The following P4HA3 variants were observed in gnomAD, a reference collection of about 807,000 sequenced individuals.
P4HA3 encodes the protein prolyl 4-hydroxylase subunit alpha 3.
A neutral mutation model predicts 66.7 loss-of-function variants in P4HA3; 60 were observed. That is an observed-to-expected ratio of 0.90 (90% CI 0.73 to 1.12). The LOEUF (loss-of-function observed/expected upper bound fraction) is 1.12. Ranked by LOEUF, P4HA3 falls within the 50% of genes most tolerant of loss-of-function variation. The probability of loss-of-function intolerance (pLI) is 0.00; values close to 1 mark genes in which losing one functional copy is unlikely to be tolerated. For missense variants in P4HA3, 683 were observed against 685.8 expected (o/e 1.00, Z 0.05); for synonymous variants, 263 against 274.6 (o/e 0.96, Z 0.42).
At chr11:74,300,819 G>A (rs1861384646) in intron 3 of P4HA3, among the ~76,000 whole-genome samples, 1 of 152,122 alleles carries the variant, frequency 6.6e-6, no homozygotes, top group Non-Finnish European at 1.5e-5. Context: ...GACATAAAAG[G>A]ATGTTAATAG....
chr11:74,280,261 C>T (rs1363271342), intron 7 of P4HA3, among the ~76,000 whole-genome samples: 1 of 151,988 alleles, frequency 6.6e-6, no homozygotes, highest in East Asian at 1.9e-4. Flanking sequence ...TCAAGCAATC[C>T]TCCCACCTCA....
At chr11:74,287,086 C>G (rs1416474578) in intron 5 of P4HA3, 5 of 1,169,444 alleles carry the variant, frequency 4.3e-6, no homozygotes, top group East Asian at 6.2e-5. Flanking sequence ...TTGGGAAACC[C>G]AATAAATCTT....
At chr11:74,277,192 G>A in intron 8 of P4HA3, 48 bp from the exon 9 acceptor site, 1 of 1,565,812 alleles carries the variant, frequency 6.4e-7, no homozygotes, top group Non-Finnish European at 8.7e-7. Flanking sequence ...TGCCCGAAAT[G>A]ACTAAATGAC....
chr11:74,279,568 C>A, intron 7 of P4HA3, 116 bp from the exon 8 acceptor site: 1 of 954,660 alleles, frequency 1.0e-6, no homozygotes. Context: ...CCAGTTCCTC[C>A]TTAATTAGAG....
chr11:74,275,250 T>C (rs1860355835), intron 9 of P4HA3, among the ~76,000 whole-genome samples: 1 of 152,220 alleles, frequency 6.6e-6, no homozygotes, highest in Non-Finnish European at 1.5e-5. Context: ...AAGAAATCTT[T>C]GCCTAACCTG....
In P4HA3 at chr11:74,308,850, T is replaced by C. The variant is rs536201312; in HGVS notation, c.200+2562A>G. Among the ~76,000 whole-genome samples the C allele has an allele frequency of 1.6e-4, 25 of 152,364 alleles. 1 individual carries two copies. The South Asian group carries it at 3.3e-3, about 20-fold the overall frequency. ...AGGTACAATGATAAAAACTTTTACA[T>C]GGTACTCTTAATCCTTCCAAAAACC... On this transcript the variant is annotated intron_variant, in intron 1 of 12. Coordinates refer to ENST00000331597, the MANE Select transcript of P4HA3 (RefSeq NM_182904.5).
At chr11:74,253,539 C>G in intron 15 of P4HA3, 2 of 1,592,696 alleles carry the variant, frequency 1.3e-6, no homozygotes, top group Non-Finnish European at 1.7e-6. Context: ...TCCTCAACAT[C>G]GAGCTCTGTT....
In P4HA3 at chr11:74,271,494, G is replaced by A. The variant is rs972038411; in HGVS notation, c.1399-1774C>T. On this transcript the variant is annotated intron_variant, in intron 10 of 12. Coordinates refer to ENST00000331597, the MANE Select transcript of P4HA3 (RefSeq NM_182904.5). ...AGTGGGAAAGGGAGAGAAATCTTCCGTCTGTATACCTTCTACTATTTTGTA... is the reference window on the plus strand; with the variant it reads ...AGTGGGAAAGGGAGAGAAATCTTCCATCTGTATACCTTCTACTATTTTGTA... 1.5e-4 allele frequency among the ~76,000 whole-genome samples: 23 copies of A among 152,046 alleles called. 2 individuals carry two copies. The highest frequency in any genetic ancestry group is 1.1e-3 in the Admixed American group (17 of 15,272).
chr11:74,261,130 G>C (rs1859900446), intron 14 of P4HA3, among the ~76,000 whole-genome samples: 1 of 152,178 alleles, frequency 6.6e-6, no homozygotes, highest in Non-Finnish European at 1.5e-5. Flanking sequence ...AATTTGAAGA[G>C]TGAGGATGGG....
At chr11:74,301,131 T>G (rs1418587328) in intron 3 of P4HA3, among the ~76,000 whole-genome samples, 1 of 151,100 alleles carries the variant, frequency 6.6e-6, no homozygotes, top group East Asian at 1.9e-4. Context: ...ATGTAACATG[T>G]TTTTTTTTCT....
At chr11:74,253,446 A>G (rs1035420336) in intron 15 of P4HA3, 1 of 1,572,108 alleles carries the variant, frequency 6.4e-7, no homozygotes, top group African/African-American at 1.4e-5. Context: ...AGGGAAAGCT[A>G]TTGATAGTTA....
At chr11:74,259,394 A>C (rs1462646410) in intron 15 of P4HA3, among the ~76,000 whole-genome samples, 2 of 152,194 alleles carry the variant, frequency 1.3e-5, no homozygotes, top group African/African-American at 2.4e-5. Flanking sequence ...AAACAAAACA[A>C]AACAAAACAA....
chr11:74,250,808 C>A, intron 15 of P4HA3: 2 of 651,784 alleles, frequency 3.1e-6, no homozygotes, highest in Non-Finnish European at 2.7e-6. Flanking sequence ...TTACCATCCT[C>A]AGCAAGACTT....
chr11:74,302,350 C>T lies in P4HA3; in HGVS notation c.567+19G>A, dbSNP rs751772692. 7 of 1,593,324 alleles carry T rather than the reference C, an allele frequency of 4.4e-6. No individual in the cohort carries two copies. The highest frequency in any genetic ancestry group is 6.0e-6 in the Non-Finnish European group (7 of 1,167,840). ...AGAAACCAGAGCCAAGCAATTGGCC[C>T]TCTCTTGAATATTGTTACCTTGCCA... On this transcript the variant is annotated intron_variant, in intron 3 of 12. Transcript: ENST00000331597.
At position 74,267,280 on chromosome 11, in the gene P4HA3, G is replaced by A. The variant is rs776013583; in HGVS notation, c.1603C>T (p.Arg535Cys). ...KWIHEYGQEFRRPCSSSPED is the reference protein window; with the variant it reads ...KWIHEYGQEFCRPCSSSPED ...TCAGGGCTGGAGCTGCAGGGTCTGC[G>A]GAATTCCTGTCCATACTCATGTATC... The change falls in exon 13 of 13, where the codon CGC becomes TGC. Residue 535 changes from arginine (R) to cysteine (C), a missense_variant. Arg to Cys is a radical substitution (Grantham distance 180, BLOSUM62 -3). Transcript: ENST00000331597. 17 of 1,614,080 alleles carry A rather than the reference G, an allele frequency of 1.1e-5. 1 individual carries two copies. The highest frequency in any genetic ancestry group is 6.6e-5 in the South Asian group (6 of 91,092).
intron 7 of P4HA3, among the ~76,000 whole-genome samples, chr11:74,284,729 C>T (rs894390541): frequency 6.6e-6 from 1 of 152,142 alleles, no homozygotes; most frequent in East Asian, 1.9e-4. Context: ...CTCTCTGGGG[C>T]TGCTGATGCC....
chr11:74,273,974 T>C (rs2134733786), intron 9 of P4HA3, among the ~76,000 whole-genome samples: 1 of 151,852 alleles, frequency 6.6e-6, no homozygotes, highest in Admixed American at 6.5e-5. Flanking sequence ...AAGGCCAGAG[T>C]TCCAATTACT....
rs911623429 is a variant in P4HA3 at position 74,304,369 on chromosome 11, G to T, written c.244C>A (p.Pro82Thr). The change falls in exon 2 of 13, where the codon CCT (proline) becomes ACT (threonine). Residue 82 changes from proline to threonine, a missense_variant. Transcript: ENST00000331597. ...AATGCAAGCAGAGGGTTAGCCACAG[G>T]GGTTGTTGAATCCTCATGCAAAGAA... ...VLSLHEDSTT[P>T]VANPLLAFTL... The T allele has an allele frequency of 6.2e-7, 1 of 1,613,938 alleles. No individual in the cohort carries two copies. Among genetic ancestry groups the T allele is most frequent in the African/African-American group, 1.3e-5 (1 of 74,886 alleles).
At chr11:74,267,958 AC>A (rs1860046019) in intron 12 of P4HA3, among the ~76,000 whole-genome samples, 186 bp downstream of exon 12, 1 of 151,968 alleles carries the variant, frequency 6.6e-6, no homozygotes, top group Non-Finnish European at 1.5e-5. Context: ...TGTAACAGGA[AC>A]CCCTGCCTGT....
Sources: allele counts gnomAD v4.1 joint callset (sites outside exome capture counted in the v4.1 genomes callset), GRCh38; gene constraint gnomAD v4.1.1; transcripts MANE v1.5; gene names NCBI Gene and HGNC (gene_info 2026-07-23, HGNC 2026-07-21).